SFMBT2: variants seen among roughly 807,000 people sequenced by gnomAD.
The protein encoded by SFMBT2 is Scm like with four mbt domains 2.
Under a neutral mutation model 110.1 loss-of-function variants are expected in SFMBT2, and 38 were observed. That is an observed-to-expected ratio of 0.35 (90% CI 0.27 to 0.45). SFMBT2 has a LOEUF of 0.45. Among genes scored for constraint, SFMBT2 ranks in the 20% least tolerant of loss-of-function variants. The pLI is 1.00. For missense variants in SFMBT2, 1,011 were observed against 1,094.9 expected, an observed-to-expected ratio of 0.92 and a Z score of 1.08; for synonymous variants, 425 against 425.4, an observed-to-expected ratio of 1.00 and a Z score of 0.01.
intron 7 of SFMBT2, among the ~76,000 whole-genome samples, chr10:7,259,968 T>C (rs181334124): frequency 4.1e-4 from 62 of 152,352 alleles, no homozygotes; most frequent in African/African-American, 1.5e-3. Flanking sequence ...CCACTTTGAA[T>C]GTCTAGTGTA....
chr10:7,254,060 T>C (rs182786293), intron 7 of SFMBT2, among the ~76,000 whole-genome samples: 5 of 152,316 alleles, frequency 3.3e-5, no homozygotes, highest in Admixed American at 1.3e-4. Flanking sequence ...CTTCTGGCCA[T>C]TGGAGAACTT....
At chr10:7,165,665 C>A (rs1837676321) in intron 20 of SFMBT2, among the ~76,000 whole-genome samples, 1 of 152,188 alleles carries the variant, frequency 6.6e-6, no homozygotes, top group Non-Finnish European at 1.5e-5. Context: ...CAACCAAGAC[C>A]AAAGGTGACC....
At chr10:7,190,607 T>G (rs1292140894) in intron 15 of SFMBT2, among the ~76,000 whole-genome samples, 2 of 152,234 alleles carry the variant, frequency 1.3e-5, no homozygotes, top group African/African-American at 4.8e-5. Flanking sequence ...TCTGTGCACA[T>G]GACAATGTCA....
intron 11 of SFMBT2, among the ~76,000 whole-genome samples, chr10:7,217,374 A>G (rs1168172816): frequency 6.6e-6 from 1 of 152,234 alleles, no homozygotes; most frequent in African/African-American, 2.4e-5. Flanking sequence ...AATTTTTTCA[A>G]TAAAATATCT....
chr10:7,222,954 C>A (rs1474435180), intron 10 of SFMBT2, among the ~76,000 whole-genome samples: 1 of 152,148 alleles, frequency 6.6e-6, no homozygotes, highest in African/African-American at 2.4e-5. Context: ...CTGAGCCTGG[C>A]CCCCTCTTTT....
At chr10:7,281,275 C>T (rs1353267131) in intron 6 of SFMBT2, among the ~76,000 whole-genome samples, 4 of 151,972 alleles carry the variant, frequency 2.6e-5, no homozygotes, top group African/African-American at 7.3e-5. Context: ...GTAAGTAAAA[C>T]TAAAGGATGA....
At chr10:7,319,135 A>C (rs574669281) in intron 4 of SFMBT2, among the ~76,000 whole-genome samples, 59 of 152,356 alleles carry the variant, frequency 3.9e-4, no homozygotes, top group African/African-American at 1.3e-3. Flanking sequence ...TATGTCCCTC[A>C]GAACTTCTAG....
intron 1 of SFMBT2, among the ~76,000 whole-genome samples, chr10:7,407,948 G>A (rs1403591588): frequency 2.0e-5 from 3 of 152,076 alleles, no homozygotes; most frequent in Non-Finnish European, 4.4e-5. Context: ...TGGTCGGCCG[G>A]GCTCCTGCCC....
At chr10:7,236,454 G>A (rs1840258619) in intron 9 of SFMBT2, among the ~76,000 whole-genome samples, 4 of 152,050 alleles carry the variant, frequency 2.6e-5, no homozygotes, top group Admixed American at 2.6e-4. Flanking sequence ...TGAAGAGGCA[G>A]AATAAAAAAG....
chr10:7,348,341 A>G (rs1177549949), intron 4 of SFMBT2: 5 of 1,519,672 alleles, frequency 3.3e-6, no homozygotes, highest in African/African-American at 1.4e-5. Context: ...CTACTACAAA[A>G]AAATAATCAC....
chr10:7,244,276 C>T (rs1840535575), intron 8 of SFMBT2: 1 of 239,806 alleles, frequency 4.2e-6, no homozygotes, highest in Non-Finnish European at 6.8e-6. Flanking sequence ...AAACACAGTG[C>T]GTTTTCAAGG....
chr10:7,332,663 A>G (rs1485505766), intron 4 of SFMBT2, among the ~76,000 whole-genome samples: 3 of 151,912 alleles, frequency 2.0e-5, no homozygotes, highest in East Asian at 1.9e-4. Flanking sequence ...TTCTCCTAGG[A>G]AAAAAAAATT....
At chr10:7,378,712 G>A (rs999499013) in intron 2 of SFMBT2, among the ~76,000 whole-genome samples, 5 of 148,898 alleles carry the variant, frequency 3.4e-5, no homozygotes, top group Admixed American at 6.7e-5. Flanking sequence ...GCATGGGTGT[G>A]TGTGGCTGTG....
chr10:7,295,579 CAACT>C (rs748111824), intron 4 of SFMBT2, among the ~76,000 whole-genome samples: 7 of 152,358 alleles, frequency 4.6e-5, no homozygotes, highest in South Asian at 2.1e-4. Flanking sequence ...CACTAAAATA[CAACT>C]AACAGCACAC....
chr10:7,201,966 C>T (rs1838970655), intron 13 of SFMBT2, among the ~76,000 whole-genome samples: 1 of 152,188 alleles, frequency 6.6e-6, no homozygotes, highest in Non-Finnish European at 1.5e-5. Context: ...GTAAGTACCC[C>T]CAAATTGTAT....
At chr10:7,383,614 C>T (rs192022586) in intron 1 of SFMBT2, among the ~76,000 whole-genome samples, 5 of 152,204 alleles carry the variant, frequency 3.3e-5, no homozygotes, top group Admixed American at 3.3e-4. Flanking sequence ...TAAAACTATC[C>T]GGAGTGGGTC....
intron 2 of SFMBT2, among the ~76,000 whole-genome samples, chr10:7,375,087 C>T (rs1018333835): frequency 2.6e-5 from 4 of 152,158 alleles, no homozygotes; most frequent in Middle Eastern, 3.4e-3. Flanking sequence ...TCATGAAAAC[C>T]GACTAGGAAA....
rs191044910 is a variant in SFMBT2, at chr10:7,244,071, G to A, written c.973-366C>T. 2.5e-5 allele frequency: 22 copies of A among 887,306 alleles called. No individual in the cohort carries two copies. In the African/African-American group the frequency reaches 3.3e-4, roughly 13 times the overall value. The allele number at this position is 887,306 out of a possible 1,614,324, so 55.0% of individuals were successfully genotyped here. A position where few individuals can be genotyped will look rare whatever the true frequency, so the allele number is the denominator to read the frequency against. ...AAGACAGGAACTGAAAAGTGAAACC[G>A]TTTCTCAGTGTCCACAGCCAGCACC... On this transcript the variant is annotated intron_variant, in intron 8 of 20. Transcript: ENST00000397167.
intron 4 of SFMBT2, among the ~76,000 whole-genome samples, chr10:7,300,156 G>T (rs1011029783): frequency 5.3e-5 from 8 of 152,078 alleles, no homozygotes; most frequent in African/African-American, 1.9e-4. Context: ...TCACACACCA[G>T]GGCCTGCTGG....
Sources: gnomAD v4.1 joint callset for allele counts (sites outside exome capture counted in the v4.1 genomes callset) on GRCh38, gnomAD v4.1.1 for gene constraint, MANE v1.5 for transcripts, NCBI Gene and HGNC (gene_info 2026-07-23, HGNC 2026-07-21) for gene names.